EYA1: variants seen among roughly 807,000 people sequenced by gnomAD.
EYA1 encodes the protein protein phosphatase EYA1.
Under a neutral mutation model 82.0 loss-of-function variants are expected in EYA1, and 16 were observed. The ratio of observed to expected loss-of-function variants is 0.20; its 90% CI spans 0.13 to 0.30. The LOEUF (loss-of-function observed/expected upper bound fraction) is 0.30. EYA1 is among the 10% of genes least tolerant of loss of function. The pLI is 1.00. For missense variants in EYA1, 633 were observed against 730.7 expected (o/e 0.87, Z 1.54); for synonymous variants, 261 against 264.4 (o/e 0.99, Z 0.12).
At chr8:71,492,701 G>A (rs1027622778) in intron 2 of EYA1, among the ~76,000 whole-genome samples, 1 of 152,048 alleles carries the variant, frequency 6.6e-6, no homozygotes, top group Non-Finnish European at 1.5e-5. Context: ...TCCTGACCTC[G>A]TGATCCACCC....
chr8:71,306,451 T>A (rs190032006), intron 7 of EYA1, among the ~76,000 whole-genome samples: 1 of 150,018 alleles, frequency 6.7e-6, no homozygotes, highest in Admixed American at 6.7e-5. Context: ...TTGCCGGGGG[T>A]GGGGGAAAAG....
intron 1 of EYA1, among the ~76,000 whole-genome samples, chr8:71,536,359 C>G (rs1814711502): frequency 1.3e-5 from 2 of 152,146 alleles, no homozygotes; most frequent in Non-Finnish European, 2.9e-5. Flanking sequence ...TATACTATTT[C>G]TTAGCAAGTT....
chr8:71,531,577 G>T (rs1362890381), intron 2 of EYA1, among the ~76,000 whole-genome samples: 2 of 151,652 alleles, frequency 1.3e-5, no homozygotes, highest in African/African-American at 4.8e-5. Flanking sequence ...ATCTTGACAT[G>T]ATTTCTTTCT....
Position 71,509,223 on chromosome 8 carries a change from G to A in EYA1, c.33+26521C>T, listed in dbSNP as rs544518554. Among the ~76,000 whole-genome samples, 585 of 151,758 alleles carry A rather than the reference G, an allele frequency of 3.9e-3. 4 individuals are homozygous for A. Among genetic ancestry groups the A allele is most frequent in the African/African-American group, 0.013 (548 of 41,356 alleles). Reference sequence around the variant, plus strand: ...CAGCCTGCGCAACAAAGAGAGACCCGGTCTCAAAATAAATAAATAAATAAA... The same window carrying A: ...CAGCCTGCGCAACAAAGAGAGACCCAGTCTCAAAATAAATAAATAAATAAA... On this transcript the variant is annotated intron_variant, in intron 2 of 18. Coordinates refer to the EYA1 transcript ENST00000643681.
chr8:71,478,391 T>C (rs1442939156), intron 2 of EYA1, among the ~76,000 whole-genome samples: 1 of 152,110 alleles, frequency 6.6e-6, no homozygotes, highest in Non-Finnish European at 1.5e-5. Flanking sequence ...CAATTAATCA[T>C]AGTCCAATAG....
intron 2 of EYA1, among the ~76,000 whole-genome samples, chr8:71,527,355 T>C (rs538539224): frequency 3.9e-5 from 6 of 152,338 alleles, no homozygotes; most frequent in African/African-American, 1.4e-4. Context: ...TCAGTTATCC[T>C]ATACAGTAAG....
intron 2 of EYA1, among the ~76,000 whole-genome samples, chr8:71,442,503 G>T (rs1047030541): frequency 6.6e-6 from 1 of 152,110 alleles, no homozygotes; most frequent in Non-Finnish European, 1.5e-5. Context: ...TTCTGATTCC[G>T]CTTCATCTCA....
intron 2 of EYA1, among the ~76,000 whole-genome samples, chr8:71,453,153 T>C (rs1171000750): frequency 6.6e-6 from 1 of 152,138 alleles, no homozygotes; most frequent in East Asian, 1.9e-4. Context: ...TTCCATCAAC[T>C]GGAAGAAAGG....
intron 2 of EYA1, among the ~76,000 whole-genome samples, chr8:71,480,936 A>AT (rs913556015): frequency 9.2e-5 from 14 of 151,696 alleles, no homozygotes; most frequent in African/African-American, 2.4e-4. Context: ...TAAAATTAGA[A>AT]TTTTTTTTTC....
chr8:71,264,890 T>C (rs1440170809), intron 11 of EYA1, among the ~76,000 whole-genome samples: 2 of 152,178 alleles, frequency 1.3e-5, no homozygotes, highest in Non-Finnish European at 2.9e-5. Flanking sequence ...GCCAAATTCA[T>C]GATACAATTT....
chr8:71,467,176 T>C (rs1350255953), intron 2 of EYA1, among the ~76,000 whole-genome samples: 1 of 151,996 alleles, frequency 6.6e-6, no homozygotes, highest in Non-Finnish European at 1.5e-5. Context: ...AATATATATA[T>C]ACATTATTTT....
At chr8:71,387,479 G>A (rs1232612368) in intron 2 of EYA1, among the ~76,000 whole-genome samples, 1 of 152,158 alleles carries the variant, frequency 6.6e-6, no homozygotes, top group East Asian at 1.9e-4. Flanking sequence ...CCAGGTGAGA[G>A]AGACGGACTT....
chr8:71,315,612 C>T (rs1373555710), intron 7 of EYA1, among the ~76,000 whole-genome samples: 1 of 152,222 alleles, frequency 6.6e-6, no homozygotes, highest in Non-Finnish European at 1.5e-5. Context: ...AATGAAAGCT[C>T]TATGAGCAAA....
chr8:71,399,480 T>C (rs1241847125), intron 2 of EYA1, among the ~76,000 whole-genome samples: 1 of 152,208 alleles, frequency 6.6e-6, no homozygotes, highest in Non-Finnish European at 1.5e-5. Context: ...GACATATCTT[T>C]GTTTTAACTT....
At chr8:71,246,844 G>A (rs1244725817) in intron 11 of EYA1, among the ~76,000 whole-genome samples, 1 of 152,136 alleles carries the variant, frequency 6.6e-6, no homozygotes, top group Non-Finnish European at 1.5e-5. Flanking sequence ...CCCATCTGCT[G>A]TAGCCTGGAG....
chr8:71,510,869 T>C (rs563002692), intron 2 of EYA1, among the ~76,000 whole-genome samples: 1 of 152,378 alleles, frequency 6.6e-6, no homozygotes, highest in South Asian at 2.1e-4. Context: ...AGTGAACACA[T>C]CTTCCAATCC....
chr8:71,523,173 C>CTT (rs201950125), intron 2 of EYA1, among the ~76,000 whole-genome samples: 1,230 of 110,610 alleles, frequency 0.011, 57 homozygotes, highest in South Asian at 0.027. Context: ...TTTCTTTTTT[C>CTT]TTTTTCTTTT....
chr8:71,412,387 T>TATAAA (rs1198782921), intron 2 of EYA1, among the ~76,000 whole-genome samples: 3 of 141,882 alleles, frequency 2.1e-5, no homozygotes, highest in African/African-American at 5.1e-5. Context: ...AATAAAAAAA[T>TATAAA]ATAAAATAAA....
intron 2 of EYA1, among the ~76,000 whole-genome samples, chr8:71,479,052 C>G (rs1167344536): frequency 1.3e-5 from 2 of 152,156 alleles, no homozygotes; most frequent in African/African-American, 2.4e-5. Context: ...AAGCCTTAAC[C>G]AGGTCCTGTG....
Sources: allele counts gnomAD v4.1 joint callset (sites outside exome capture counted in the v4.1 genomes callset), GRCh38; gene constraint gnomAD v4.1.1; transcripts MANE v1.5; gene names NCBI Gene and HGNC (gene_info 2026-07-23, HGNC 2026-07-21).